The following ATP9B variants were observed in gnomAD, a reference collection of about 807,000 sequenced individuals.
ATP9B encodes probable phospholipid-transporting ATPase IIB.
Under a neutral mutation model 146.1 loss-of-function variants are expected in ATP9B, and 110 were observed. That is an observed-to-expected ratio of 0.75 (90% CI 0.65 to 0.88). ATP9B has a LOEUF of 0.88. Among genes scored for constraint, ATP9B ranks in the 40% least tolerant of loss-of-function variants. The pLI, the probability that ATP9B is intolerant of heterozygous loss-of-function variation, is 0.00. For synonymous variants in ATP9B, 604 were observed against 569.7 expected, an observed-to-expected ratio of 1.06 and a Z score of -0.86; for missense variants, 1,499 against 1,496.4, an observed-to-expected ratio of 1.00 and a Z score of -0.03.
At chr18:79,080,716 CT>C (rs1382626184) in intron 1 of ATP9B, among the ~76,000 whole-genome samples, 1 of 152,200 alleles carries the variant, frequency 6.6e-6, no homozygotes, top group Non-Finnish European at 1.5e-5. Flanking sequence ...AAAGGGAATG[CT>C]TCCAGCTTTT....
chr18:79,331,027 G>A lies in ATP9B; in HGVS notation c.2028+923G>A, dbSNP rs574840152. 1.4e-3 allele frequency among the ~76,000 whole-genome samples: 211 copies of A among 152,194 alleles called. 1 individual carries two copies. Among genetic ancestry groups the A allele is most frequent in the Non-Finnish European group, 2.1e-3 (142 of 68,030 alleles). On this transcript the variant is annotated intron_variant, in intron 17 of 29. Transcript: ENST00000426216. Reference sequence around the variant, plus strand: ...ATCCCATATTTCATTAAATTCTCCTGAAGTAAATAGGATTTGTAGGTAGCC... The same window carrying A: ...ATCCCATATTTCATTAAATTCTCCTAAAGTAAATAGGATTTGTAGGTAGCC...
intron 4 of ATP9B, among the ~76,000 whole-genome samples, chr18:79,125,201 G>T (rs1336971957): frequency 6.6e-6 from 1 of 152,166 alleles, no homozygotes; most frequent in Non-Finnish European, 1.5e-5. Context: ...ATGTGCTCAG[G>T]GAGAGATGGT....
chr18:79,268,256 G>T lies in ATP9B; in HGVS notation c.1269-8798G>T, dbSNP rs542666982. ...TTTTTATGTGTCTCTTGTAATTAGC[G>T]TACATCTTGTATTAGCATGCCATCT... is the stretch of plus-strand genomic sequence containing the variant. On this transcript the variant is annotated intron_variant, in intron 12 of 29. Transcript: ENST00000426216. Among the ~76,000 whole-genome samples the T allele has an allele frequency of 7.2e-4, 110 of 152,008 alleles. 1 individual carries two copies. Among genetic ancestry groups the T allele is most frequent in the African/African-American group, 2.5e-3 (105 of 41,468 alleles).
chr18:79,339,450 G>A (rs2096846038), intron 19 of ATP9B, among the ~76,000 whole-genome samples: 1 of 151,728 alleles, frequency 6.6e-6, no homozygotes, highest in Non-Finnish European at 1.5e-5. Flanking sequence ...GCAGTAGGAA[G>A]TATGTCATGA....
intron 25 of ATP9B, among the ~76,000 whole-genome samples, chr18:79,358,987 G>A (rs569097553): frequency 1.3e-5 from 2 of 152,148 alleles, no homozygotes; most frequent in East Asian, 3.9e-4. Flanking sequence ...GGATGCTGGT[G>A]GTGAGGTTCA....
intron 7 of ATP9B, among the ~76,000 whole-genome samples, chr18:79,164,154 G>A (rs991687736): frequency 3.3e-5 from 5 of 152,102 alleles, no homozygotes; most frequent in Admixed American, 3.3e-4. Context: ...TGCACTTCTG[G>A]GTCCAAGCCA....
intron 2 of ATP9B, among the ~76,000 whole-genome samples, chr18:79,100,111 G>A (rs555519201): frequency 6.6e-6 from 1 of 152,336 alleles, no homozygotes; most frequent in African/African-American, 2.4e-5. Flanking sequence ...TGGCAACAGA[G>A]TGAGACTCTG....
intron 12 of ATP9B, among the ~76,000 whole-genome samples, chr18:79,255,740 T>G (rs2096071187): frequency 6.6e-6 from 1 of 152,142 alleles, no homozygotes; most frequent in African/African-American, 2.4e-5. Context: ...TGGTTCTCAG[T>G]AGCTCCACGT....
At chr18:79,375,455 G>A in intron 29 of ATP9B, 29 bp downstream of exon 29, 1 of 1,609,004 alleles carries the variant, frequency 6.2e-7, no homozygotes, top group Non-Finnish European at 8.5e-7. Flanking sequence ...TCTTTCAAAA[G>A]TGTAGAAATT....
At chr18:79,264,407 A>G (rs2096179455) in intron 12 of ATP9B, among the ~76,000 whole-genome samples, 1 of 152,192 alleles carries the variant, frequency 6.6e-6, no homozygotes, top group Non-Finnish European at 1.5e-5. Context: ...TTATTTATAT[A>G]TTTTAGATGC....
chr18:79,367,908 A>ACGGGGAGACAGAGGCGCTGT (rs1232416160), intron 26 of ATP9B, among the ~76,000 whole-genome samples: 1 of 152,278 alleles, frequency 6.6e-6, no homozygotes, highest in East Asian at 1.9e-4. Flanking sequence ...GGCGCTGGCC[A>ACGGGGAGACAGAGGCGCTGT]GATCACAGAG....
intron 13 of ATP9B, among the ~76,000 whole-genome samples, chr18:79,295,662 G>A (rs947468496): frequency 2.0e-5 from 3 of 152,218 alleles, no homozygotes; most frequent in African/African-American, 7.2e-5. Context: ...CAGGTATCAT[G>A]TGGCCTGAAT....
chr18:79,223,788 C>T (rs962132842), intron 11 of ATP9B, among the ~76,000 whole-genome samples: 2 of 152,120 alleles, frequency 1.3e-5, no homozygotes, highest in African/African-American at 4.8e-5. Context: ...CTTATAATTT[C>T]AGGAAAGTAG....
At chr18:79,322,190 AC>A (rs2096719987) in intron 15 of ATP9B, among the ~76,000 whole-genome samples, 1 of 152,140 alleles carries the variant, frequency 6.6e-6, no homozygotes, top group Non-Finnish European at 1.5e-5. Flanking sequence ...CTCTCGGTGT[AC>A]TTAGTAACAT....
intron 1 of ATP9B, among the ~76,000 whole-genome samples, chr18:79,082,809 C>T (rs1187914135): frequency 6.6e-6 from 1 of 152,192 alleles, no homozygotes; most frequent in African/African-American, 2.4e-5. Context: ...TGCCAGATGC[C>T]AGCCGGAGCT....
intron 7 of ATP9B, among the ~76,000 whole-genome samples, chr18:79,161,574 C>T (rs1568305035): frequency 6.6e-6 from 1 of 152,202 alleles, no homozygotes; most frequent in African/African-American, 2.4e-5. Context: ...CAGGGCTGGG[C>T]ACGGTGGCTC....
At position 79,121,672 on chromosome 18, in the gene ATP9B, T is replaced by C. The variant is rs543075988; in HGVS notation, c.559-4595T>C. Among the ~76,000 whole-genome samples the C allele has an allele frequency of 9.9e-4, 151 of 152,300 alleles. 1 individual carries two copies. Among genetic ancestry groups the C allele is most frequent in the Non-Finnish European group, 1.8e-3 (125 of 68,028 alleles). On this transcript the variant is annotated intron_variant, in intron 4 of 29. Transcript: ENST00000426216. ...TTTCCTTGGATAGATACGCAGGGGA[T>C]GGACGTGATGGTGGTGACATCTTTT...
chr18:79,349,357 C>T (rs1600259557), intron 25 of ATP9B, among the ~76,000 whole-genome samples: 1 of 152,200 alleles, frequency 6.6e-6, no homozygotes, highest in African/African-American at 2.4e-5. Flanking sequence ...TCATCCTCAC[C>T]TTGTCCCCAC....
intron 9 of ATP9B, among the ~76,000 whole-genome samples, chr18:79,203,090 C>T (rs952885750): frequency 6.6e-6 from 1 of 152,186 alleles, no homozygotes; most frequent in Non-Finnish European, 1.5e-5. Context: ...GGTGAAGTCA[C>T]GATGGGCATC....
Sources: allele counts gnomAD v4.1 joint callset (sites outside exome capture counted in the v4.1 genomes callset), GRCh38; gene constraint gnomAD v4.1.1; transcripts MANE v1.5; gene names NCBI Gene and HGNC (gene_info 2026-07-23, HGNC 2026-07-21).